Variants in DYSF observed in about 807,000 individuals in gnomAD.
DYSF encodes dysferlin.
DYSF carries 212 observed loss-of-function variants against 274.9 expected under a neutral mutation model. That is an observed-to-expected ratio of 0.77 (90% CI 0.69 to 0.86). The LOEUF (loss-of-function observed/expected upper bound fraction) is 0.86, where lower values mean the gene tolerates loss of function less well. DYSF is among the 40% of genes least tolerant of loss of function. The pLI is 0.00. For missense variants in DYSF, 2,666 were observed against 2,783.2 expected, an observed-to-expected ratio of 0.96 and a Z score of 0.95; for synonymous variants, 1,091 against 1,078.7, an observed-to-expected ratio of 1.01 and a Z score of -0.22.
In DYSF at chr2:71,564,303, C is replaced by T. The variant is rs747956907; in HGVS notation, c.2565+90C>T. On this transcript the variant is annotated intron_variant, in intron 24 of 55. Transcript: ENST00000410020. Reference sequence around the variant, plus strand: ...CTTCTGTTTCCCCTCCTGTTCTTGACCTATCTTAGTTCTTAGGCTGTGGTC... The same window carrying T: ...CTTCTGTTTCCCCTCCTGTTCTTGATCTATCTTAGTTCTTAGGCTGTGGTC... The T allele has an allele frequency of 2.4e-5, 38 of 1,551,374 alleles. No individual in the cohort carries two copies. In the South Asian group the frequency reaches 4.1e-4, roughly 17 times the overall value.
upstream of DYSF, among the ~76,000 whole-genome samples, chr2:71,461,729 A>AG (rs2081291707): frequency 6.6e-6 from 1 of 152,190 alleles, no homozygotes; most frequent in South Asian, 2.1e-4. Context: ...GGTGGTGGTA[A>AG]GACTTGGTGG....
At chr2:71,536,392 A>G (rs2089337856) in intron 16 of DYSF, among the ~76,000 whole-genome samples, 1 of 152,226 alleles carries the variant, frequency 6.6e-6, no homozygotes, top group Non-Finnish European at 1.5e-5. Context: ...AGCCGCCAGG[A>G]GGGCCTGTGA....
chr2:71,531,049 T>A (rs368610392), intron 14 of DYSF, among the ~76,000 whole-genome samples: 1 of 151,780 alleles, frequency 6.6e-6, no homozygotes, highest in Non-Finnish European at 1.5e-5. Flanking sequence ...CTGCCCTACT[T>A]GTAGGGCAGG....
At chr2:71,510,779 G>C (rs963463970) in intron 4 of DYSF, among the ~76,000 whole-genome samples, 1 of 152,162 alleles carries the variant, frequency 6.6e-6, no homozygotes, top group Non-Finnish European at 1.5e-5. Context: ...GTTTATAAAG[G>C]GTTTGTCAAA....
rs777167646 is a variant in DYSF at position 71,682,522 on chromosome 2, G to A, written c.6174-8G>A. On this transcript the variant is annotated splice_region_variant and splice_polypyrimidine_tract_variant and intron_variant, in intron 54 of 55. Coordinates refer to ENST00000410020, the MANE Select transcript of DYSF (RefSeq NM_001130987.2). ...ATGCCCAGTTGACCTCCGGGATCTC[G>A]CTTCCAGGCGCCCCGACACCTCCTT... is the stretch of plus-strand genomic sequence containing the variant. The A allele has an allele frequency of 1.4e-5, 22 of 1,613,976 alleles. No homozygotes were observed. The Admixed American group carries it at 3.2e-4, about 23-fold the overall frequency.
chr2:71,521,248 G>A (rs1356983105), intron 12 of DYSF, among the ~76,000 whole-genome samples: 1 of 152,196 alleles, frequency 6.6e-6, no homozygotes, highest in Non-Finnish European at 1.5e-5. Context: ...GCCTAAGAAT[G>A]TATCATGCTC....
chr2:71,490,544 C>G (rs4315553), intron 3 of DYSF, among the ~76,000 whole-genome samples: 40,609 of 151,846 alleles, frequency 0.27, 6,340 homozygotes, highest in East Asian at 0.64. Flanking sequence ...CCAGGCTGGT[C>G]TTGGACTCCT....
In DYSF at chr2:71,601,484, T is replaced by C. The variant is rs768617596; in HGVS notation, c.3898-15T>C. 6.2e-7 allele frequency: 1 copy of C among 1,614,200 alleles called. No homozygotes were observed. The highest frequency in any genetic ancestry group is 2.2e-5 in the East Asian group (1 of 44,872). On this transcript the variant is annotated splice_polypyrimidine_tract_variant and intron_variant, in intron 34 of 55. Transcript: ENST00000410020. ...TGACAAGCACATGACCAGAGCTCTCTTTTCTTCACTCCAGCCGGCCATCCA... is the reference window on the plus strand; with the variant it reads ...TGACAAGCACATGACCAGAGCTCTCCTTTCTTCACTCCAGCCGGCCATCCA...
At chr2:71,472,724 A>G (rs1342527650) in intron 1 of DYSF, among the ~76,000 whole-genome samples, 1 of 152,234 alleles carries the variant, frequency 6.6e-6, no homozygotes, top group Admixed American at 6.5e-5. Context: ...CTTAAGGTTC[A>G]AATAGTATTT....
At chr2:71,514,644 A>G (rs1559050579) in intron 7 of DYSF, among the ~76,000 whole-genome samples, 2 of 152,096 alleles carry the variant, frequency 1.3e-5, no homozygotes, top group Admixed American at 6.5e-5. Context: ...TTAACTCTTT[A>G]CAACTACTTT....
In DYSF at chr2:71,686,720, G is replaced by A; in HGVS notation, c.*228G>A. On this transcript the variant is annotated 3_prime_UTR_variant, in exon 56 of 56. Transcript: ENST00000410020. ...TTCTCCCCCAACCCAACGCTTTTTT[G>A]GATCAGCTCAGACATATTTCAGTAT... 2 of 603,162 alleles carry A rather than the reference G, an allele frequency of 3.3e-6. No individual in the cohort carries two copies. Among genetic ancestry groups the A allele is most frequent in the Non-Finnish European group, 3.0e-6 (1 of 334,734 alleles). 37.4% of individuals were successfully genotyped at this position (603,162 alleles called of 1,614,324 possible).
rs745709716 is a variant in DYSF, at chr2:71,598,542, T to G, written c.3575-22T>G. ...GGTCCCTGCTGTGTCCTGTCTCCCCTCCCCCTCTCCGGCCCATGCAGATCC... is the reference window on the plus strand; with the variant it reads ...GGTCCCTGCTGTGTCCTGTCTCCCCGCCCCCTCTCCGGCCCATGCAGATCC... On this transcript the variant is annotated intron_variant, in intron 32 of 55. Coordinates refer to ENST00000410020, the MANE Select transcript of DYSF (RefSeq NM_001130987.2). 22 of 1,613,444 alleles carry G rather than the reference T, an allele frequency of 1.4e-5. No individual in the cohort carries two copies. The Admixed American group carries it at 2.5e-4, about 18-fold the overall frequency.
At position 71,496,851 on chromosome 2, in the gene DYSF, T is replaced by G. The variant is rs564560784; in HGVS notation, c.240-6363T>G. Among the ~76,000 whole-genome samples, 21 of 152,332 alleles carry G rather than the reference T, an allele frequency of 1.4e-4. No homozygotes were observed. The South Asian group carries it at 4.4e-3, about 32-fold the overall frequency. On this transcript the variant is annotated intron_variant, in intron 3 of 55. Transcript: ENST00000410020. ...TATGGGCCAGGTCAAATGTATAGAC[T>G]GGGCTCCCCTTCCCACGGATTAAGC...
chr2:71,681,321 G>A (rs537972943), intron 54 of DYSF, among the ~76,000 whole-genome samples: 2 of 152,244 alleles, frequency 1.3e-5, no homozygotes, highest in African/African-American at 4.8e-5. Flanking sequence ...CAAGATGCAG[G>A]TGCTATTGGG....
At chr2:71,672,975 T>C (rs372255681) in intron 51 of DYSF, among the ~76,000 whole-genome samples, 2 of 152,158 alleles carry the variant, frequency 1.3e-5, no homozygotes, top group African/African-American at 2.4e-5. Flanking sequence ...GGTCTTCGGT[T>C]CGGGAGCTCA....
chr2:71,568,080 A>C lies in DYSF; in HGVS notation c.2695A>C (p.Thr899Pro), dbSNP rs1574042462. 1.2e-6 allele frequency: 2 copies of C among 1,613,834 alleles called. No individual in the cohort carries two copies. The highest frequency in any genetic ancestry group is 1.7e-5 in the Admixed American group (1 of 59,986). The stretch of plus-strand genomic sequence containing the variant: ...GGGGAAGCTGTCTGTCTTTGCTGAA[A>C]CCGTGAGTACCTGCCAGCCCCCACC... The part of the protein sequence containing the change: ...AEGKLSVFAE[T>P]YENETKLALV... The change falls in exon 25 of 56, where the codon ACC (threonine) becomes CCC (proline). Residue 899 changes from threonine to proline, a missense_variant and splice_region_variant. Thr to Pro is a conservative substitution (Grantham distance 38, BLOSUM62 -1). Transcript: ENST00000410020.
chr2:71,500,433 A>G (rs1156705295), intron 3 of DYSF, among the ~76,000 whole-genome samples: 2 of 152,034 alleles, frequency 1.3e-5, no homozygotes, highest in Non-Finnish European at 2.9e-5. Context: ...CCCCAGGCCG[A>G]TAGCAGGGTT....
At chr2:71,460,548 C>T (rs1009060553) in intron 1 of DYSF, among the ~76,000 whole-genome samples, 11 of 152,124 alleles carry the variant, frequency 7.2e-5, no homozygotes, top group African/African-American at 2.7e-4. Flanking sequence ...CTGATAATGT[C>T]CCCTCGGGAG....
chr2:71,636,186 A>G (rs1286998789), intron 41 of DYSF, among the ~76,000 whole-genome samples: 1 of 152,206 alleles, frequency 6.6e-6, no homozygotes. Context: ...AGAAGTTATT[A>G]CAAGGGCTTT....
Sources: allele counts gnomAD v4.1 joint callset (sites outside exome capture counted in the v4.1 genomes callset), GRCh38; gene constraint gnomAD v4.1.1; transcripts MANE v1.5; gene names NCBI Gene and HGNC (gene_info 2026-07-23, HGNC 2026-07-21).